STXBP5L: variants seen among roughly 807,000 people sequenced by gnomAD.
STXBP5L encodes syntaxin-binding protein 5-like.
A neutral mutation model predicts 144.5 loss-of-function variants in STXBP5L; 65 were observed. The observed-to-expected ratio is 0.45, with a 90% CI of 0.37 to 0.55. The LOEUF (loss-of-function observed/expected upper bound fraction) is 0.55. Among genes scored for constraint, STXBP5L ranks in the 20% least tolerant of loss-of-function variants. The probability of loss-of-function intolerance (pLI) is 0.00; values close to 1 mark genes in which losing one functional copy is unlikely to be tolerated. For missense variants in STXBP5L, 1,298 were observed against 1,405.5 expected (o/e 0.92, Z 1.22); for synonymous variants, 505 against 469.6 (o/e 1.08, Z -0.97).
At chr3:121,205,228 G>T (rs1209659626) in intron 9 of STXBP5L, among the ~76,000 whole-genome samples, 1 of 152,138 alleles carries the variant, frequency 6.6e-6, no homozygotes, top group Non-Finnish European at 1.5e-5. Context: ...GGTTTATTTG[G>T]CTTATGATTC....
At chr3:120,978,591 A>G (rs560765624) in intron 3 of STXBP5L, among the ~76,000 whole-genome samples, 12 of 152,276 alleles carry the variant, frequency 7.9e-5, no homozygotes, top group South Asian at 4.1e-4. Flanking sequence ...CTGGTGAGGA[A>G]CTGCATTCCT....
chr3:121,046,661 C>A (rs1465277641), intron 5 of STXBP5L, among the ~76,000 whole-genome samples: 1 of 151,868 alleles, frequency 6.6e-6, no homozygotes, highest in Admixed American at 6.6e-5. Flanking sequence ...GTGTTCATAG[C>A]AGTCTCTGAG....
At chr3:121,391,479 G>A (rs2046582716) in intron 22 of STXBP5L, among the ~76,000 whole-genome samples, 1 of 152,154 alleles carries the variant, frequency 6.6e-6, no homozygotes, top group Non-Finnish European at 1.5e-5. Context: ...TCTGATTTTA[G>A]AATTTTCAGC....
intron 20 of STXBP5L, among the ~76,000 whole-genome samples, chr3:121,349,553 G>A (rs1452945496): frequency 2.0e-5 from 3 of 152,038 alleles, no homozygotes; most frequent in Admixed American, 2.0e-4. Flanking sequence ...TGTTGACAGT[G>A]GGGTGTTAAA....
chr3:121,057,807 T>C (rs547160239), intron 5 of STXBP5L, among the ~76,000 whole-genome samples: 3 of 152,162 alleles, frequency 2.0e-5, no homozygotes, highest in East Asian at 1.9e-4. Flanking sequence ...TTTGGTATAA[T>C]AATAAAAATT....
chr3:121,383,536 T>C lies in STXBP5L; in HGVS notation c.2587+2004T>C, dbSNP rs936378231. 3.3e-4 allele frequency among the ~76,000 whole-genome samples: 50 copies of C among 152,142 alleles called. 1 individual carries two copies. Among genetic ancestry groups the C allele is most frequent in the Non-Finnish European group, 4.4e-5 (3 of 68,012 alleles). On this transcript the variant is annotated intron_variant, in intron 22 of 26. Coordinates refer to ENST00000471454, the MANE Select transcript of STXBP5L (RefSeq NM_001308330.2). Reference sequence around the variant, plus strand: ...ATTTTCTTTAAATCTGAAACTGCTGTTAAAAATACACTCTATTAATTTGTT... The same window carrying C: ...ATTTTCTTTAAATCTGAAACTGCTGCTAAAAATACACTCTATTAATTTGTT...
At chr3:121,213,113 G>T (rs1420295749) in intron 10 of STXBP5L, among the ~76,000 whole-genome samples, 2 of 152,212 alleles carry the variant, frequency 1.3e-5, no homozygotes, top group African/African-American at 2.4e-5. Flanking sequence ...ATTTTGGGCT[G>T]AGACAATGGG....
At chr3:120,979,563 A>T (rs1244350789) in intron 3 of STXBP5L, among the ~76,000 whole-genome samples, 1 of 152,016 alleles carries the variant, frequency 6.6e-6, no homozygotes, top group African/African-American at 2.4e-5. Context: ...ACTGTCCTGC[A>T]CCCACTGTCT....
chr3:120,951,325 C>G (rs1380636775), intron 2 of STXBP5L, among the ~76,000 whole-genome samples: 1 of 152,136 alleles, frequency 6.6e-6, no homozygotes, highest in Non-Finnish European at 1.5e-5. Context: ...AACTAAAGAG[C>G]TACTGCACAG....
intron 18 of STXBP5L, among the ~76,000 whole-genome samples, chr3:121,279,598 C>A (rs889418853): frequency 6.6e-6 from 1 of 151,832 alleles, no homozygotes; most frequent in African/African-American, 2.4e-5. Context: ...TGCCGATCAT[C>A]CTTTTTTTGT....
rs547778202 is a variant in STXBP5L, at chr3:121,105,144, T to C, written c.471-9781T>C. Among the ~76,000 whole-genome samples, 8 of 152,252 alleles carry C rather than the reference T, an allele frequency of 5.3e-5. No individual in the cohort carries two copies. The South Asian group carries it at 1.7e-3, about 32-fold the overall frequency. On this transcript the variant is annotated intron_variant, in intron 5 of 26. Coordinates refer to ENST00000471454, the MANE Select transcript of STXBP5L (RefSeq NM_001308330.2). ...TGGGCACAGTGGCTCATGCCTATAA[T>C]CACAGCACTTTAGGAAGCCGAGGTG... is the stretch of plus-strand genomic sequence containing the variant.
intron 3 of STXBP5L, among the ~76,000 whole-genome samples, chr3:121,020,185 T>C (rs1056789572): frequency 2.0e-5 from 3 of 152,068 alleles, no homozygotes; most frequent in Non-Finnish European, 2.9e-5. Flanking sequence ...ACTTCAGAAC[T>C]TGAAGACAGG....
chr3:121,013,561 G>A (rs928320138), intron 3 of STXBP5L, among the ~76,000 whole-genome samples: 2 of 151,262 alleles, frequency 1.3e-5, no homozygotes, highest in African/African-American at 4.8e-5. Flanking sequence ...ATAGGTTTTG[G>A]GTATTAGTCC....
At chr3:121,052,169 C>G (rs925458677) in intron 5 of STXBP5L, among the ~76,000 whole-genome samples, 2 of 152,166 alleles carry the variant, frequency 1.3e-5, no homozygotes, top group Admixed American at 6.5e-5. Flanking sequence ...GGAGCTGGTA[C>G]CATTCCTTCT....
intron 7 of STXBP5L, among the ~76,000 whole-genome samples, chr3:121,122,618 A>G (rs1046180851): frequency 3.0e-4 from 45 of 151,538 alleles, no homozygotes; most frequent in African/African-American, 1.0e-3. Context: ...CTGAGGACAT[A>G]ATTAGCTATT....
chr3:121,263,572 G>A (rs1049431561), intron 18 of STXBP5L, among the ~76,000 whole-genome samples: 3 of 152,114 alleles, frequency 2.0e-5, no homozygotes, highest in African/African-American at 4.8e-5. Flanking sequence ...TAAGAACCTT[G>A]AGAAAAGGTT....
chr3:121,405,639 G>T (rs2046979166), intron 22 of STXBP5L, among the ~76,000 whole-genome samples: 1 of 152,064 alleles, frequency 6.6e-6, no homozygotes, highest in Non-Finnish European at 1.5e-5. Flanking sequence ...ATAAGTTTAA[G>T]CATACTTTGT....
chr3:121,047,732 A>G (rs1045230815), intron 5 of STXBP5L, among the ~76,000 whole-genome samples: 3 of 152,052 alleles, frequency 2.0e-5, no homozygotes, highest in Admixed American at 6.6e-5. Context: ...CTTTGAGCCT[A>G]TGGGTGTCAT....
chr3:121,344,350 G>A (rs188893657), intron 20 of STXBP5L, among the ~76,000 whole-genome samples: 89 of 151,876 alleles, frequency 5.9e-4, no homozygotes, highest in East Asian at 5.8e-3. Flanking sequence ...CAAGGACTTC[G>A]TGTGTAAAAC....
Sources: gnomAD v4.1 joint callset for allele counts (sites outside exome capture counted in the v4.1 genomes callset) on GRCh38, gnomAD v4.1.1 for gene constraint, MANE v1.5 for transcripts, NCBI Gene and HGNC (gene_info 2026-07-23, HGNC 2026-07-21) for gene names.